The following HABP2 variants were observed in gnomAD, a reference collection of about 807,000 sequenced individuals.
HABP2 encodes the protein factor VII-activating protease.
In HABP2, 65 loss-of-function variants were observed where a neutral mutation model predicts 66.5. The observed-to-expected ratio is 0.98, with a 90% CI of 0.80 to 1.20. The LOEUF (loss-of-function observed/expected upper bound fraction) is 1.20. Among genes scored for constraint, HABP2 ranks in the 50% most tolerant of loss-of-function variants. HABP2 has a pLI of 0.00. For missense variants in HABP2, 786 were observed against 691.0 expected (o/e 1.14, Z -1.54); for synonymous variants, 263 against 253.9 (o/e 1.04, Z -0.34).
Position 113,578,084 on chromosome 10 carries a change from G to T in HABP2, c.507G>T (p.Lys169Asn), listed in dbSNP as rs1442873487. ...CQNGATCSRH[K>N]RRSKFTCACP... is the part of the protein sequence containing the mutation. ...ATGGGGCTACCTGCTCCCGGCATAA[G>T]CGGAGATCCAAGTTCACCTGTGCCT... The change falls in exon 6 of 13, where the codon AAG (lysine) becomes AAT (asparagine). Residue 169 changes from lysine (K) to asparagine (N), a missense_variant. Coordinates refer to ENST00000351270, the MANE Select transcript of HABP2 (RefSeq NM_004132.5). 4 of 1,614,190 alleles carry T rather than the reference G, an allele frequency of 2.5e-6. No homozygotes were observed. Among genetic ancestry groups the T allele is most frequent in the Non-Finnish European group, 3.4e-6 (4 of 1,180,024 alleles).
intron 7 of HABP2, among the ~76,000 whole-genome samples, chr10:113,579,822 A>G (rs1299847533): frequency 6.6e-6 from 1 of 150,924 alleles, no homozygotes; most frequent in Non-Finnish European, 1.5e-5. Flanking sequence ...TCACTCTGTC[A>G]CCCAGGCTAG....
chr10:113,567,676 A>T (rs1287903313), intron 2 of HABP2, 151 bp downstream of exon 2: 1 of 673,334 alleles, frequency 1.5e-6, no homozygotes, highest in Non-Finnish European at 2.7e-6. Context: ...TTGCCCTCAA[A>T]ATTTGTGCAC....
At chr10:113,562,077 A>T (rs1366896499) in intron 1 of HABP2, among the ~76,000 whole-genome samples, 2 of 152,124 alleles carry the variant, frequency 1.3e-5, no homozygotes, top group African/African-American at 4.8e-5. Context: ...TGAGCCAGGG[A>T]TCCATTGAGA....
At chr10:113,585,998 G>T in intron 12 of HABP2, 60 bp downstream of exon 12, 3 of 1,493,576 alleles carry the variant, frequency 2.0e-6, no homozygotes, top group South Asian at 1.1e-5. Context: ...TCACTAGGCA[G>T]AGGACCCTTA....
intron 1 of HABP2, among the ~76,000 whole-genome samples, chr10:113,560,005 C>T (rs1592682664): frequency 6.6e-6 from 1 of 152,354 alleles, no homozygotes; most frequent in East Asian, 1.9e-4. Flanking sequence ...TCTTCCTCCT[C>T]TGCAGATGAA....
chr10:113,582,081 TG>T lies in HABP2; in HGVS notation c.1048del (p.Ala350ArgfsTer2). 1 of 1,612,410 alleles carries T rather than the reference TG, an allele frequency of 6.2e-7. No homozygotes were observed. The highest frequency in any genetic ancestry group is 8.5e-7 in the Non-Finnish European group (1 of 1,179,934). Reference protein sequence around the residue: ...ISMPQGHFCGGALIHPCWVLT... With the variant: ...ISMPQGHFCGXALIHPCWVLT... Reference sequence around the variant, plus strand: ...CCATGCCCCAGGGCCACTTCTGTGGTGGGGCGCTGATCCACCCCTGCTGGGT... The same window carrying T: ...CCATGCCCCAGGGCCACTTCTGTGGTGGGCGCTGATCCACCCCTGCTGGGT... On this transcript the variant is annotated frameshift_variant, in exon 9 of 13. Transcript: ENST00000351270. LOFTEE classifies it high-confidence loss of function.
intron 9 of HABP2, 121 bp downstream of exon 9, chr10:113,582,252 C>A: frequency 1.1e-6 from 1 of 926,184 alleles, no homozygotes. Context: ...TGTTCAAGGG[C>A]AAAAGAAGGG....
At position 113,583,322 on chromosome 10, in the gene HABP2, T is replaced by C. The variant is rs1226735992; in HGVS notation, c.1201T>C (p.Tyr401His). ...GGAGAAGATATTCAAGTACAGCCAC[T>C]ACAATGAAAGAGATGAGATTCCCCA... Reference protein sequence around the residue: ...RVEKIFKYSHYNERDEIPHND... With the variant: ...RVEKIFKYSHHNERDEIPHND... Residue 401 changes from tyrosine (Y) to histidine (H), a missense_variant, in exon 10 of 13, where the codon TAC (tyrosine) becomes CAC (histidine). Tyr to His is a moderately conservative substitution (Grantham distance 83). Transcript: ENST00000351270. 6.2e-7 allele frequency: 1 copy of C among 1,612,522 alleles called. No homozygotes were observed. Among genetic ancestry groups the C allele is most frequent in the African/African-American group, 1.3e-5 (1 of 74,892 alleles).
At position 113,588,714 on chromosome 10, in the gene HABP2, T is replaced by A; in HGVS notation, c.*345T>A. 1 of 547,316 alleles carries A rather than the reference T, an allele frequency of 1.8e-6. No individual in the cohort carries two copies. Among genetic ancestry groups the A allele is most frequent in the Non-Finnish European group, 3.2e-6 (1 of 311,246 alleles). The allele number at this position is 547,316 out of a possible 1,614,324, so 33.9% of individuals were successfully genotyped here. A position where few individuals can be genotyped will look rare whatever the true frequency, so the allele number is the denominator to read the frequency against. ...AATGCAGACTCCAGAATCCCCAGCA[T>A]CAGCGGGAACCACCATCACATCTTT... On this transcript the variant is annotated 3_prime_UTR_variant, in exon 13 of 13. Coordinates refer to ENST00000351270, the MANE Select transcript of HABP2 (RefSeq NM_004132.5).
In HABP2 at chr10:113,563,469, C is replaced by T. The variant is rs79671233; in HGVS notation, c.70-4020C>T. ...ACCACGGCCCCTCTCTGTGGGTGGA[C>T]ACTGTGAGTCACAAAATGAGTGACT... On this transcript the variant is annotated intron_variant, in intron 1 of 12. Coordinates refer to ENST00000351270, the MANE Select transcript of HABP2 (RefSeq NM_004132.5). Among the ~76,000 whole-genome samples the T allele has an allele frequency of 4.3e-3, 656 of 152,290 alleles. 11 individuals carry two copies. In the East Asian group the frequency reaches 0.05, roughly 12 times the overall value.
intron 11 of HABP2, 43 bp from the exon 12 acceptor site, chr10:113,585,750 G>T (rs1430229046): frequency 6.4e-7 from 1 of 1,553,514 alleles, no homozygotes; most frequent in East Asian, 2.2e-5. Flanking sequence ...GTGCCACCCT[G>T]GTCCCCACAG....
intron 11 of HABP2, 127 bp downstream of exon 11, chr10:113,584,409 C>T: frequency 1.3e-6 from 1 of 760,114 alleles, no homozygotes; most frequent in East Asian, 2.5e-5. Flanking sequence ...CCAAAGAAAG[C>T]ATCCACCTCA....
chr10:113,581,095 C>G (rs1845520488), intron 8 of HABP2, among the ~76,000 whole-genome samples: 1 of 152,226 alleles, frequency 6.6e-6, no homozygotes, highest in South Asian at 2.1e-4. Flanking sequence ...GCCATCTGTC[C>G]TGGCCCCGCT....
chr10:113,572,531 C>G, intron 2 of HABP2: 1 of 241,438 alleles, frequency 4.1e-6, no homozygotes, highest in Non-Finnish European at 8.4e-6. Flanking sequence ...AATAACTAAG[C>G]AATGCAATCA....
At chr10:113,567,878 T>A (rs1050496537) in intron 2 of HABP2, among the ~76,000 whole-genome samples, 1 of 152,152 alleles carries the variant, frequency 6.6e-6, no homozygotes, top group Non-Finnish European at 1.5e-5. Context: ...TGAGGCAAAG[T>A]GAGGGCGAGA....
At chr10:113,575,851 C>A in intron 3 of HABP2, 46 bp from the exon 4 acceptor site, 1 of 1,121,802 alleles carries the variant, frequency 8.9e-7, no homozygotes, top group South Asian at 1.3e-5. Context: ...GGGCGCTTCT[C>A]ACCTGCCTTT....
At chr10:113,577,799 C>T (rs1027072023) in intron 5 of HABP2, among the ~76,000 whole-genome samples, 1 of 152,222 alleles carries the variant, frequency 6.6e-6, no homozygotes, top group Admixed American at 6.5e-5. Flanking sequence ...TACTTATGCA[C>T]TTAGGCATGG....
chr10:113,568,887 TAA>T (rs1003353110), intron 2 of HABP2, among the ~76,000 whole-genome samples: 3 of 152,190 alleles, frequency 2.0e-5, no homozygotes, highest in African/African-American at 7.2e-5. Flanking sequence ...CAGAAAGTTG[TAA>T]GAGACATCTA....
At chr10:113,558,187 C>T (rs1259156259) in intron 1 of HABP2, among the ~76,000 whole-genome samples, 3 of 152,246 alleles carry the variant, frequency 2.0e-5, no homozygotes, top group Non-Finnish European at 4.4e-5. Context: ...TGCTTTCCGA[C>T]ACCACAAGGA....
Sources: allele counts gnomAD v4.1 joint callset (sites outside exome capture counted in the v4.1 genomes callset), GRCh38; gene constraint gnomAD v4.1.1; transcripts MANE v1.5; gene names NCBI Gene and HGNC (gene_info 2026-07-23, HGNC 2026-07-21).